Variants in COIL observed in about 807,000 individuals in gnomAD.
The protein encoded by COIL is coilin p80.
COIL carries 28 observed loss-of-function variants against 51.6 expected under a neutral mutation model. That is an observed-to-expected ratio of 0.54 (90% CI 0.40 to 0.74). The LOEUF (loss-of-function observed/expected upper bound fraction) is 0.74. COIL is among the 30% of genes least tolerant of loss of function. COIL has a pLI of 0.00. For missense variants in COIL, 667 were observed against 685.9 expected (o/e 0.97, Z 0.31); for synonymous variants, 233 against 255.8 (o/e 0.91, Z 0.85).
intron 5 of COIL, among the ~76,000 whole-genome samples, chr17:56,944,991 T>G (rs1026938428): frequency 7.2e-5 from 11 of 151,922 alleles, no homozygotes; most frequent in Non-Finnish European, 1.3e-4. Context: ...CACTCCAGCC[T>G]GGGCGACAGC....
rs766493730 is a variant in COIL at position 56,949,907 on chromosome 17, A to AT, written c.1334dup (p.Asn445LysfsTer18). 14 of 1,613,654 alleles carry AT rather than the reference A, an allele frequency of 8.7e-6. No homozygotes were observed. Among genetic ancestry groups the AT allele is most frequent in the Non-Finnish European group, 2.5e-6 (3 of 1,179,862 alleles). On this transcript the variant is annotated frameshift_variant, in exon 2 of 7. Coordinates refer to ENST00000240316, the MANE Select transcript of COIL (RefSeq NM_004645.3). LOFTEE classifies it high-confidence loss of function. ...TACTTACCTGGATAATAGTAGATGA[A>AT]TTTTTTACCACGTCATTTAATTGCT...
At chr17:56,946,310 A>C (rs556152072) in intron 5 of COIL, 132 bp downstream of exon 5, 2 of 602,002 alleles carry the variant, frequency 3.3e-6, no homozygotes, top group Non-Finnish European at 5.9e-6. Flanking sequence ...CCAGGGCTAA[A>C]GTGTGCTGAA....
At position 56,950,935 on chromosome 17, in the gene COIL, T is replaced by C. The variant is rs1910358979; in HGVS notation, c.307A>G (p.Asn103Asp). 6.2e-7 allele frequency: 1 copy of C among 1,613,082 alleles called. No homozygotes were observed. ...TTCTTTGCTTTTCTAAGAGATAAAT[T>C]AATGTCACCATTACTGATGACTACA... ...NSVVISNGDINLSLRKAKKRA... is the reference protein window; with the variant it reads ...NSVVISNGDIDLSLRKAKKRA... Residue 103 changes from asparagine to aspartate, a missense_variant, in exon 2 of 7, where the codon AAT (asparagine) becomes GAT (aspartate). By Grantham distance (23) the Asn-to-Asp change is conservative. Transcript: ENST00000240316.
chr17:56,943,593 C>A (rs997988984), intron 5 of COIL, among the ~76,000 whole-genome samples: 3 of 152,190 alleles, frequency 2.0e-5, no homozygotes, highest in Admixed American at 6.5e-5. Flanking sequence ...TGTATGTGAA[C>A]TGAATAACAG....
chr17:56,942,211 AAAC>A (rs2144391156), intron 5 of COIL, 88 bp from the exon 6 acceptor site: 1 of 997,082 alleles, frequency 1.0e-6, no homozygotes, highest in East Asian at 2.4e-5. Context: ...ATCATTAAGA[AAAC>A]AACCACAAAC....
rs757604799 is a variant in COIL, at chr17:56,950,862, T to C, written c.380A>G (p.Lys127Arg). Residue 127 changes from lysine to arginine, a missense_variant, in exon 2 of 7, where the codon AAA (lysine) becomes AGA (arginine). Lys to Arg is a conservative substitution (Grantham distance 26). Coordinates refer to ENST00000240316, the MANE Select transcript of COIL (RefSeq NM_004645.3). ...ACTCTTCCAATGCTTCTTTGAATAT[T>C]TGCAATCTGGTTCAGTTTCTTCACC... The part of the protein sequence containing the change: ...EEGEETEPDC[K>R]YSKKHWKSRE... 5 of 1,614,068 alleles carry C rather than the reference T, an allele frequency of 3.1e-6. No homozygotes were observed. The highest frequency in any genetic ancestry group is 1.7e-5 in the Admixed American group (1 of 60,024).
chr17:56,951,392 C>T (rs189217206), intron 1 of COIL: 78 of 165,120 alleles, frequency 4.7e-4, no homozygotes, highest in African/African-American at 1.8e-3. Flanking sequence ...TTCAAACTCA[C>T]AATCTTTCTA....
At position 56,938,898 on chromosome 17, in the gene COIL, C is replaced by T. The variant is rs1231431226; in HGVS notation, c.*173G>A. ...ACAAAAAAACCAAAGATCTACAAAA[C>T]CGACACCCATGTCATTTTAAATGAT... is the stretch of plus-strand genomic sequence containing the variant. On this transcript the variant is annotated 3_prime_UTR_variant, in exon 7 of 7. Coordinates refer to ENST00000240316, the MANE Select transcript of COIL (RefSeq NM_004645.3). The T allele has an allele frequency of 2.2e-6, 1 of 460,070 alleles. No individual in the cohort carries two copies. The allele number at this position is 460,070 out of a possible 1,614,324, so 28.5% of individuals were successfully genotyped here. A position where few individuals can be genotyped will look rare whatever the true frequency, so the allele number is the denominator to read the frequency against.
At chr17:56,953,171 G>A (rs1422935681) in intron 1 of COIL, among the ~76,000 whole-genome samples, 1 of 151,982 alleles carries the variant, frequency 6.6e-6, no homozygotes, top group African/African-American at 2.4e-5. Context: ...CAGCACTTTG[G>A]GAGGTCAAGG....
At chr17:56,957,948 T>C (rs1481925742) in intron 1 of COIL, among the ~76,000 whole-genome samples, 1 of 152,226 alleles carries the variant, frequency 6.6e-6, no homozygotes, top group African/African-American at 2.4e-5. Context: ...CACAAGTGTG[T>C]GGTGCATCCA....
intron 1 of COIL, among the ~76,000 whole-genome samples, chr17:56,953,182 T>A (rs577104413): frequency 1.3e-5 from 2 of 151,784 alleles, no homozygotes; most frequent in East Asian, 1.9e-4. Context: ...GAGGTCAAGG[T>A]GGGTGGATCA....
intron 1 of COIL, among the ~76,000 whole-genome samples, chr17:56,956,723 C>T (rs1567854888): frequency 6.6e-6 from 1 of 152,152 alleles, no homozygotes; most frequent in Admixed American, 6.5e-5. Context: ...CCTCAAGCAG[C>T]TGGGACTACA....
intron 5 of COIL, among the ~76,000 whole-genome samples, chr17:56,945,367 G>A (rs1910229497): frequency 6.6e-6 from 1 of 151,958 alleles, no homozygotes; most frequent in Non-Finnish European, 1.5e-5. Flanking sequence ...AATTGCTTTA[G>A]GATCTTCTAA....
At chr17:56,945,561 G>A (rs138884294) in intron 5 of COIL, among the ~76,000 whole-genome samples, 46 of 152,280 alleles carry the variant, frequency 3.0e-4, no homozygotes, top group African/African-American at 1.1e-3. Flanking sequence ...ACACACTTCA[G>A]ACATTTTGTT....
chr17:56,951,810 T>C (rs1402716760), intron 1 of COIL: 1 of 151,800 alleles, frequency 6.6e-6, no homozygotes, highest in Non-Finnish European at 1.5e-5. Context: ...TTTCTTTTTT[T>C]TTTTTTGAGA....
In COIL at chr17:56,950,541, C is replaced by A. The variant is rs769315926; in HGVS notation, c.701G>T (p.Gly234Val). The A allele has an allele frequency of 2.5e-6, 4 of 1,614,218 alleles. No individual in the cohort carries two copies. The Admixed American group carries it at 6.7e-5, about 27-fold the overall frequency. Residue 234 changes from glycine (G) to valine (V), a missense_variant, in exon 2 of 7, where the codon GGT becomes GTT. Transcript: ENST00000240316. ...CTCTTTTGAGCAAACGCTTACACTA[C>A]CTTTCCTTTTGGCTTTAACAAGGCT... ...RNSLVKAKRK[G>V]SVSVCSKESP... is the part of the protein sequence containing the mutation.
rs1292911796 is a variant in COIL at position 56,950,766 on chromosome 17, C to A, written c.476G>T (p.Ser159Ile). The A allele has an allele frequency of 1.2e-6, 2 of 1,613,496 alleles. No homozygotes were observed. Among genetic ancestry groups the A allele is most frequent in the Non-Finnish European group, 1.7e-6 (2 of 1,179,962 alleles). The change falls in exon 2 of 7, where the codon AGC becomes ATC. Residue 159 changes from serine to isoleucine, a missense_variant. Ser to Ile is a moderately radical substitution (Grantham distance 142, BLOSUM62 -2). Coordinates refer to ENST00000240316, the MANE Select transcript of COIL (RefSeq NM_004645.3). Reference protein sequence around the residue: ...EPKAVTDQTVSKKNKRKNKAT... With the variant: ...EPKAVTDQTVIKKNKRKNKAT... ...TTTATTTTTTCTCTTGTTTTTTTTGCTGACAGTCTGATCTGTGACAGCTTT... is the reference window on the plus strand; with the variant it reads ...TTTATTTTTTCTCTTGTTTTTTTTGATGACAGTCTGATCTGTGACAGCTTT...
At position 56,954,039 on chromosome 17, in the gene COIL, C is replaced by T. The variant is rs564238337; in HGVS notation, c.246-3043G>A. On this transcript the variant is annotated intron_variant, in intron 1 of 6. Transcript: ENST00000240316. ...GACATTTCTGATCAATTTGTTTTCACTTGTAGCAATGATCCAAGCTTCAAT... is the reference window on the plus strand; with the variant it reads ...GACATTTCTGATCAATTTGTTTTCATTTGTAGCAATGATCCAAGCTTCAAT... 2.4e-4 allele frequency among the ~76,000 whole-genome samples: 37 copies of T among 152,262 alleles called. 1 individual carries two copies. Among genetic ancestry groups the T allele is most frequent in the African/African-American group, 8.9e-4 (37 of 41,544 alleles).
At chr17:56,956,396 G>A (rs1289687199) in intron 1 of COIL, among the ~76,000 whole-genome samples, 2 of 151,690 alleles carry the variant, frequency 1.3e-5, no homozygotes, top group Middle Eastern at 3.2e-3. Flanking sequence ...CCATCACTGA[G>A]CCTAGCTAAT....
Sources: allele counts gnomAD v4.1 joint callset (sites outside exome capture counted in the v4.1 genomes callset), GRCh38; gene constraint gnomAD v4.1.1; transcripts MANE v1.5; gene names NCBI Gene and HGNC (gene_info 2026-07-23, HGNC 2026-07-21).